The following DLEU7 variants were observed in gnomAD, a reference collection of about 807,000 sequenced individuals.
DLEU7 encodes deleted in lymphocytic leukemia 7.
Under a neutral mutation model 16.0 loss-of-function variants are expected in DLEU7, and 17 were observed. That is an observed-to-expected ratio of 1.06 (90% CI 0.73 to 1.59). The LOEUF (loss-of-function observed/expected upper bound fraction) is 1.59. Among genes scored for constraint, DLEU7 ranks in the 40% most tolerant of loss-of-function variants. DLEU7 has a pLI of 0.00. For missense variants in DLEU7, 308 were observed against 314.9 expected (o/e 0.98, Z 0.17); for synonymous variants, 113 against 139.8 (o/e 0.81, Z 1.35).
intron 1 of DLEU7, among the ~76,000 whole-genome samples, chr13:50,790,628 T>C (rs1875929637): frequency 6.6e-6 from 1 of 152,040 alleles, no homozygotes; most frequent in Non-Finnish European, 1.5e-5. Context: ...ACAGCCAAGC[T>C]GGGATGGTTA....
In DLEU7 at chr13:50,791,309, C is replaced by A. The variant is rs1034376662; in HGVS notation, c.459+51879G>T. 4.6e-5 allele frequency among the ~76,000 whole-genome samples: 7 copies of A among 152,238 alleles called. No homozygotes were observed. The South Asian group carries it at 8.3e-4, about 18-fold the overall frequency. On this transcript the variant is annotated intron_variant, in intron 1 of 1. Coordinates refer to the DLEU7 transcript ENST00000400393. Reference sequence around the variant, plus strand: ...CTTTCTCCTGCTCACACACCCAACACCTGCCCAGTGCTCTCCCACCCGCTT... The same window carrying A: ...CTTTCTCCTGCTCACACACCCAACAACTGCCCAGTGCTCTCCCACCCGCTT...
intron 1 of DLEU7, among the ~76,000 whole-genome samples, chr13:50,815,925 AGG>A (rs34685437): frequency 6.6e-6 from 1 of 151,912 alleles, no homozygotes; most frequent in Admixed American, 6.6e-5. Flanking sequence ...AATATTCTTG[AGG>A]GGGGGCTGCA....
intron 1 of DLEU7, among the ~76,000 whole-genome samples, chr13:50,753,299 A>G (rs1420520357): frequency 6.6e-6 from 1 of 152,198 alleles, no homozygotes; most frequent in Non-Finnish European, 1.5e-5. Context: ...GTCCCACGCC[A>G]TGCACCTGCA....
chr13:50,754,746 G>A (rs1295565854), intron 1 of DLEU7, among the ~76,000 whole-genome samples: 1 of 151,978 alleles, frequency 6.6e-6, no homozygotes, highest in Non-Finnish European at 1.5e-5. Flanking sequence ...TGGTTTTTTT[G>A]TTTTTGCTTT....
chr13:50,730,381 A>G (rs1873882855), intron 1 of DLEU7, among the ~76,000 whole-genome samples: 1 of 152,306 alleles, frequency 6.6e-6, no homozygotes, highest in African/African-American at 2.4e-5. Context: ...TGAGAGCAAT[A>G]TATTTCCCTC....
downstream of DLEU7, chr13:50,818,662 A>G (rs1593408333): frequency 2.0e-5 from 3 of 152,256 alleles, no homozygotes; most frequent in South Asian, 2.1e-4. Context: ...ATGGAAATGT[A>G]TTCTCTTATG....
chr13:50,756,267 C>T (rs1456973379), intron 1 of DLEU7, among the ~76,000 whole-genome samples: 1 of 152,132 alleles, frequency 6.6e-6, no homozygotes, highest in Non-Finnish European at 1.5e-5. Context: ...GTGGGCGGGG[C>T]CCTAGAACTC....
chr13:50,828,256 T>C (rs1877157629), intron 1 of DLEU7, among the ~76,000 whole-genome samples: 1 of 152,190 alleles, frequency 6.6e-6, no homozygotes, highest in Non-Finnish European at 1.5e-5. Context: ...ATGTGGACTA[T>C]TTATAAAGCT....
At chr13:50,837,048 A>G (rs944361890) in intron 1 of DLEU7, among the ~76,000 whole-genome samples, 2 of 152,210 alleles carry the variant, frequency 1.3e-5, no homozygotes, top group Non-Finnish European at 2.9e-5. Flanking sequence ...GTCTCAATAG[A>G]TGTGTAACTG....
At chr13:50,833,693 T>C (rs908296761) in intron 1 of DLEU7, among the ~76,000 whole-genome samples, 2 of 152,188 alleles carry the variant, frequency 1.3e-5, no homozygotes, top group African/African-American at 2.4e-5. Flanking sequence ...AAATCTACTT[T>C]AAATTTCATA....
intron 1 of DLEU7, among the ~76,000 whole-genome samples, chr13:50,788,544 A>G (rs1006610524): frequency 6.6e-6 from 1 of 151,868 alleles, no homozygotes; most frequent in African/African-American, 2.4e-5. Context: ...TACATCTCCA[A>G]CTCCAGGGCT....
chr13:50,767,739 G>A (rs937950331), intron 1 of DLEU7, among the ~76,000 whole-genome samples: 6 of 152,166 alleles, frequency 3.9e-5, no homozygotes, highest in Non-Finnish European at 7.4e-5. Flanking sequence ...CAAGGCAGCC[G>A]GAAACCTGGA....
intron 1 of DLEU7, among the ~76,000 whole-genome samples, chr13:50,808,896 G>A (rs1486298666): frequency 1.3e-5 from 2 of 151,842 alleles, no homozygotes; most frequent in Non-Finnish European, 2.9e-5. Context: ...ACTTAGAAAG[G>A]TCAGTTGGAA....
At chr13:50,713,036 G>A in exon 2 of DLEU7, 1 of 622,070 alleles carries the variant, frequency 1.6e-6, no homozygotes, top group East Asian at 2.8e-5. Flanking sequence ...GAGGTAATAA[G>A]AAGTCAGAGA....
At chr13:50,715,178 A>G (rs1873405648) in intron 1 of DLEU7, among the ~76,000 whole-genome samples, 1 of 152,156 alleles carries the variant, frequency 6.6e-6, no homozygotes, top group South Asian at 2.1e-4. Flanking sequence ...AGTGTGTGGA[A>G]TCCTTCTCAC....
chr13:50,805,996 G>T (rs565828858), intron 1 of DLEU7, among the ~76,000 whole-genome samples: 1 of 152,130 alleles, frequency 6.6e-6, no homozygotes, highest in Non-Finnish European at 1.5e-5. Flanking sequence ...GTGGTTTGCT[G>T]CCCTCTATTG....
intron 1 of DLEU7, among the ~76,000 whole-genome samples, chr13:50,773,275 C>T (rs1428197499): frequency 2.6e-5 from 4 of 152,164 alleles, no homozygotes; most frequent in African/African-American, 4.8e-5. Flanking sequence ...TTTGTTAACC[C>T]ATCAAAGTCA....
At chr13:50,839,609 G>A (rs1222349816) in intron 1 of DLEU7, among the ~76,000 whole-genome samples, 1 of 152,176 alleles carries the variant, frequency 6.6e-6, no homozygotes, top group Non-Finnish European at 1.5e-5. Flanking sequence ...TGAGGCTAAA[G>A]CTGACCTCTA....
At chr13:50,778,464 T>C (rs891211560) in intron 1 of DLEU7, among the ~76,000 whole-genome samples, 4 of 152,176 alleles carry the variant, frequency 2.6e-5, no homozygotes, top group South Asian at 2.1e-4. Context: ...CTTCTTTCCA[T>C]CCCATAGCTA....
Sources: gnomAD v4.1 joint callset for allele counts (sites outside exome capture counted in the v4.1 genomes callset) on GRCh38, gnomAD v4.1.1 for gene constraint, MANE v1.5 for transcripts, NCBI Gene and HGNC (gene_info 2026-07-23, HGNC 2026-07-21) for gene names.